Variants in TFEC observed in about 807,000 individuals in gnomAD.
TFEC encodes transcription factor EC, also known as class E basic helix-loop-helix protein 34.
In TFEC, 31 loss-of-function variants were observed where a neutral mutation model predicts 41.6. The ratio of observed to expected loss-of-function variants is 0.74; its 90% CI spans 0.56 to 1.01. The LOEUF is 1.01. Among genes scored for constraint, TFEC ranks in the 50% least tolerant of loss-of-function variants. The probability of loss-of-function intolerance (pLI) is 0.00; values close to 1 mark genes in which losing one functional copy is unlikely to be tolerated. For synonymous variants in TFEC, 143 were observed against 140.6 expected (o/e 1.02, Z -0.12); for missense variants, 402 against 404.1 (o/e 0.99, Z 0.04).
intron 2 of TFEC, among the ~76,000 whole-genome samples, chr7:116,111,513 C>T (rs1797855052): frequency 6.6e-6 from 1 of 151,966 alleles, no homozygotes. Context: ...AAAATAGGAA[C>T]AACTGTCACA....
At position 116,080,373 on chromosome 7, in the gene TFEC, G is replaced by A. The variant is rs1346636169; in HGVS notation, c.198+30335C>T. On this transcript the variant is annotated intron_variant, in intron 3 of 8. Transcript: ENST00000484212. ...CACAGCAAAAGAAATAATCAGCAGA[G>A]TGAAAAGACAACCCACAGAGTGGGA... 2.6e-5 allele frequency among the ~76,000 whole-genome samples: 4 copies of A among 152,222 alleles called. 1 individual carries two copies. In the South Asian group the frequency reaches 8.3e-4, roughly 32 times the overall value.
At chr7:116,060,200 T>G (rs908513047) in intron 3 of TFEC, among the ~76,000 whole-genome samples, 2 of 152,070 alleles carry the variant, frequency 1.3e-5, no homozygotes, top group Non-Finnish European at 2.9e-5. Flanking sequence ...GATTTAAAAG[T>G]ACTAAAGTCA....
intron 1 of TFEC, among the ~76,000 whole-genome samples, chr7:116,018,105 C>T (rs897820668): frequency 5.9e-5 from 9 of 152,084 alleles, no homozygotes; most frequent in African/African-American, 2.2e-4. Context: ...GATGTCAAGA[C>T]CTATTGCACA....
intron 3 of TFEC, among the ~76,000 whole-genome samples, chr7:116,049,341 TA>T (rs1034010766): frequency 1.5e-3 from 225 of 152,232 alleles, no homozygotes; most frequent in African/African-American, 5.2e-3. Flanking sequence ...TAGTCTCTGA[TA>T]AAACAGACTT....
At chr7:115,957,977 G>C (rs543777498) in intron 3 of TFEC, among the ~76,000 whole-genome samples, 20 of 151,916 alleles carry the variant, frequency 1.3e-4, no homozygotes, top group African/African-American at 4.8e-4. Context: ...AAATACAGTT[G>C]AAATCACGTC....
intron 3 of TFEC, among the ~76,000 whole-genome samples, chr7:115,964,932 G>C (rs2130518675): frequency 6.6e-6 from 1 of 151,580 alleles, no homozygotes; most frequent in South Asian, 2.1e-4. Context: ...AGAAAAACAA[G>C]TTGATCATGT....
At chr7:116,138,964 T>G (rs1239242228) in intron 1 of TFEC, among the ~76,000 whole-genome samples, 1 of 152,168 alleles carries the variant, frequency 6.6e-6, no homozygotes, top group Non-Finnish European at 1.5e-5. Flanking sequence ...CAATTAGAAC[T>G]AAGCTTGCAA....
rs905410008 is a variant in TFEC at position 115,989,548 on chromosome 7, A to C, written c.-72-5035T>G. Among the ~76,000 whole-genome samples the C allele has an allele frequency of 7.2e-5, 11 of 152,162 alleles. 1 individual carries two copies. Among genetic ancestry groups the C allele is most frequent in the African/African-American group, 2.7e-4 (11 of 41,448 alleles). ...GGAAAATCAGGACACTACCACCCTA[A>C]TACTGCGCTTTTCCAGAGGAGATTA... On this transcript the variant is annotated intron_variant, in intron 1 of 7. Coordinates refer to ENST00000265440, the MANE Select transcript of TFEC (RefSeq NM_012252.4).
At chr7:116,099,592 C>T (rs1384477078) in intron 3 of TFEC, among the ~76,000 whole-genome samples, 5 of 152,308 alleles carry the variant, frequency 3.3e-5, no homozygotes, top group South Asian at 2.1e-4. Flanking sequence ...TAGAGACACA[C>T]GGCTCAGCCA....
chr7:116,094,824 T>C (rs1176194291), intron 3 of TFEC, among the ~76,000 whole-genome samples: 3 of 152,248 alleles, frequency 2.0e-5, no homozygotes, highest in African/African-American at 7.2e-5. Context: ...GGTCAATTTA[T>C]TGTTCAATGT....
intron 3 of TFEC, among the ~76,000 whole-genome samples, chr7:116,089,632 C>G (rs1797278980): frequency 3.3e-5 from 5 of 151,928 alleles, no homozygotes. Context: ...TATAAAACCT[C>G]TCATATAAGG....
chr7:115,994,454 C>A (rs1584660035), intron 1 of TFEC, among the ~76,000 whole-genome samples: 1 of 152,224 alleles, frequency 6.6e-6, no homozygotes, highest in South Asian at 2.1e-4. Context: ...TACAACCTAT[C>A]CCTCTGACAA....
At chr7:116,091,776 C>G (rs1797334045) in intron 3 of TFEC, among the ~76,000 whole-genome samples, 2 of 151,878 alleles carry the variant, frequency 1.3e-5, no homozygotes, top group Non-Finnish European at 2.9e-5. Flanking sequence ...CTAAATTCTT[C>G]TTTTTATAAA....
chr7:115,973,772 G>C (rs899042695), intron 3 of TFEC, among the ~76,000 whole-genome samples: 1 of 151,898 alleles, frequency 6.6e-6, no homozygotes, highest in Admixed American at 6.6e-5. Flanking sequence ...TTCTACAAAG[G>C]TATAGAGCCT....
At chr7:116,111,694 C>T (rs1347575593) in intron 2 of TFEC, among the ~76,000 whole-genome samples, 1 of 152,012 alleles carries the variant, frequency 6.6e-6, no homozygotes, top group African/African-American at 2.4e-5. Flanking sequence ...CACCCAAATT[C>T]TCAGTCAGAG....
chr7:116,101,855 T>C (rs1025347858), intron 3 of TFEC, among the ~76,000 whole-genome samples: 6 of 152,324 alleles, frequency 3.9e-5, no homozygotes, highest in African/African-American at 1.4e-4. Context: ...AAGTTTGCCA[T>C]TCAGTAATGT....
At chr7:116,088,061 C>T (rs1425110452) in intron 3 of TFEC, among the ~76,000 whole-genome samples, 2 of 152,060 alleles carry the variant, frequency 1.3e-5, no homozygotes, top group Admixed American at 1.3e-4. Context: ...TAGGACTTTG[C>T]TGTCATGATT....
intron 1 of TFEC, among the ~76,000 whole-genome samples, chr7:116,150,250 C>T (rs765402696): frequency 6.6e-6 from 1 of 152,098 alleles, no homozygotes; most frequent in Admixed American, 6.5e-5. Flanking sequence ...AATCAGAAGG[C>T]CTTACTTCTG....
chr7:115,996,739 C>T (rs570475895), intron 1 of TFEC, among the ~76,000 whole-genome samples: 2 of 152,126 alleles, frequency 1.3e-5, no homozygotes, highest in African/African-American at 4.8e-5. Context: ...GCAGCATTCA[C>T]CAAAAGCTGA....
Sources: allele counts gnomAD v4.1 joint callset (sites outside exome capture counted in the v4.1 genomes callset), GRCh38; gene constraint gnomAD v4.1.1; transcripts MANE v1.5; gene names NCBI Gene and HGNC (gene_info 2026-07-23, HGNC 2026-07-21).